Variants in ZNF407 observed in about 807,000 individuals in gnomAD.
ZNF407 encodes zinc finger protein 407.
A neutral mutation model predicts 131.2 loss-of-function variants in ZNF407; 17 were observed. The observed-to-expected ratio is 0.13, with a 90% confidence interval of 0.09 to 0.19. The LOEUF (loss-of-function observed/expected upper bound fraction) is 0.19, where lower values mean the gene tolerates loss of function less well. ZNF407 is among the 10% of genes least tolerant of loss of function. The pLI is 1.00. For synonymous variants in ZNF407, 1,156 were observed against 1,062.0 expected, an observed-to-expected ratio of 1.09 and a Z score of -1.72; for missense variants, 2,681 against 2,830.6, an observed-to-expected ratio of 0.95 and a Z score of 1.20.
chr18:74,837,646 C>A (rs932879274), intron 4 of ZNF407, among the ~76,000 whole-genome samples: 2 of 148,456 alleles, frequency 1.3e-5, no homozygotes, highest in Admixed American at 1.3e-4. Flanking sequence ...TTTAATTTTT[C>A]TTTTGTATGT....
chr18:74,937,368 G>A (rs572108431), intron 8 of ZNF407, among the ~76,000 whole-genome samples: 1 of 152,274 alleles, frequency 6.6e-6, no homozygotes, highest in East Asian at 1.9e-4. Context: ...TAATGGTATG[G>A]TAGAAAAAAT....
At chr18:74,953,822 T>C (rs1260031849) in intron 8 of ZNF407, among the ~76,000 whole-genome samples, 1 of 152,178 alleles carries the variant, frequency 6.6e-6, no homozygotes, top group Non-Finnish European at 1.5e-5. Flanking sequence ...GGAAATTTGT[T>C]TTTGATAGGC....
rs532718440 is a variant in ZNF407 at position 74,913,482 on chromosome 18, G to A, written c.5250-7032G>A. ...CCATGCTGTGCTGTTCCATGGAAAA[G>A]CGAGATGCCAGTGTGTGTGGTGCCC... On this transcript the variant is annotated intron_variant, in intron 7 of 8. Coordinates refer to ENST00000299687, the MANE Select transcript of ZNF407 (RefSeq NM_017757.3). Among the ~76,000 whole-genome samples the A allele has an allele frequency of 3.3e-5, 5 of 152,222 alleles. No individual in the cohort carries two copies. In the South Asian group the frequency reaches 1.0e-3, roughly 32 times the overall value.
At chr18:74,626,237 A>G (rs1434818972) in intron 1 of ZNF407, among the ~76,000 whole-genome samples, 2 of 152,184 alleles carry the variant, frequency 1.3e-5, no homozygotes, top group African/African-American at 4.8e-5. Flanking sequence ...GTGTGGGCCA[A>G]ACAGAATTCT....
chr18:74,749,458 CT>C (rs1163069968), intron 3 of ZNF407, among the ~76,000 whole-genome samples: 1 of 152,124 alleles, frequency 6.6e-6, no homozygotes, highest in African/African-American at 2.4e-5. Context: ...GCAATTATTA[CT>C]TAGACTTAGA....
At chr18:74,808,034 A>G (rs2043618614) in intron 4 of ZNF407, among the ~76,000 whole-genome samples, 1 of 151,206 alleles carries the variant, frequency 6.6e-6, no homozygotes, top group Non-Finnish European at 1.5e-5. Flanking sequence ...TTTTTTTGAG[A>G]CAGAGTTTCA....
chr18:74,610,632 C>G (rs1983015180), intron 1 of ZNF407, among the ~76,000 whole-genome samples: 1 of 152,142 alleles, frequency 6.6e-6, no homozygotes, highest in Admixed American at 6.5e-5. Flanking sequence ...TCACTGCAAC[C>G]TCCGCCTCCC....
chr18:74,843,474 C>T (rs1179442862), intron 4 of ZNF407, among the ~76,000 whole-genome samples: 1 of 152,158 alleles, frequency 6.6e-6, no homozygotes, highest in East Asian at 1.9e-4. Context: ...CACACTTCAT[C>T]TTTACTTTTT....
At chr18:74,690,295 A>G (rs1175062302) in intron 3 of ZNF407, among the ~76,000 whole-genome samples, 1 of 152,236 alleles carries the variant, frequency 6.6e-6, no homozygotes, top group African/African-American at 2.4e-5. Flanking sequence ...TAAAATTAAC[A>G]AAGTTAGAAA....
At chr18:74,604,079 A>G (rs1230494129) in intron 1 of ZNF407, among the ~76,000 whole-genome samples, 1 of 152,190 alleles carries the variant, frequency 6.6e-6, no homozygotes, top group Non-Finnish European at 1.5e-5. Context: ...AAATTTAGGC[A>G]TCATCATTAG....
chr18:74,769,627 A>G (rs568020576), intron 3 of ZNF407, among the ~76,000 whole-genome samples: 1 of 152,318 alleles, frequency 6.6e-6, no homozygotes, highest in Non-Finnish European at 1.5e-5. Context: ...TCAGACATTA[A>G]TGATCTCATT....
intron 3 of ZNF407, among the ~76,000 whole-genome samples, chr18:74,717,886 A>G (rs1017004998): frequency 1.3e-5 from 2 of 152,196 alleles, no homozygotes; most frequent in African/African-American, 4.8e-5. Context: ...AAAAAATTTC[A>G]GATTTTAGAG....
chr18:74,719,504 A>G (rs975264819), intron 3 of ZNF407, among the ~76,000 whole-genome samples: 1 of 152,148 alleles, frequency 6.6e-6, no homozygotes, highest in Non-Finnish European at 1.5e-5. Flanking sequence ...GGTTCACGCC[A>G]TTCTCCTGCC....
chr18:74,632,473 G>A lies in ZNF407; in HGVS notation c.1454G>A (p.Ser485Asn), dbSNP rs769430652. ...CTGAAACACCTGGAAGCGTGCAGCA[G>A]TGTGCAGAGAGTGTGTGTGACTACC... ...SVLKHLEACS[S>N]VQRVCVTTSE... Residue 485 changes from serine (S) to asparagine (N), a missense_variant, in exon 2 of 9, where the codon AGT becomes AAT. Transcript: ENST00000299687. The A allele has an allele frequency of 5.6e-6, 9 of 1,614,066 alleles. No homozygotes were observed. In the South Asian group the frequency reaches 6.6e-5, roughly 12 times the overall value.
chr18:74,909,665 A>T (rs1971642525), intron 7 of ZNF407, among the ~76,000 whole-genome samples: 1 of 152,140 alleles, frequency 6.6e-6, no homozygotes, highest in Admixed American at 6.6e-5. Flanking sequence ...TCACACTTGT[A>T]CTTACGGTTT....
At chr18:74,630,272 G>A (rs576234676) in intron 1 of ZNF407, among the ~76,000 whole-genome samples, 205 of 148,746 alleles carry the variant, frequency 1.4e-3, no homozygotes, top group South Asian at 4.2e-3. Flanking sequence ...CCGGGTTCAC[G>A]CCATTCTCCT....
At chr18:74,702,641 T>G (rs1224323538) in intron 3 of ZNF407, among the ~76,000 whole-genome samples, 5 of 152,134 alleles carry the variant, frequency 3.3e-5, no homozygotes, top group Non-Finnish European at 5.9e-5. Flanking sequence ...GTAAATGAGT[T>G]TTATATATTG....
intron 1 of ZNF407, among the ~76,000 whole-genome samples, chr18:74,623,551 A>G (rs560352406): frequency 8.8e-4 from 134 of 152,344 alleles, no homozygotes; most frequent in African/African-American, 3.1e-3. Context: ...AAATGGTTTC[A>G]TTTGACTGAA....
At chr18:74,965,038 T>C (rs2145296675) in intron 8 of ZNF407, among the ~76,000 whole-genome samples, 1 of 152,332 alleles carries the variant, frequency 6.6e-6, no homozygotes, top group South Asian at 2.1e-4. Flanking sequence ...TTTATTTTAA[T>C]TTTTGTGAGT....
Sources: gnomAD v4.1 joint callset for allele counts (sites outside exome capture counted in the v4.1 genomes callset) on GRCh38, gnomAD v4.1.1 for gene constraint, MANE v1.5 for transcripts, NCBI Gene and HGNC (gene_info 2026-07-23, HGNC 2026-07-21) for gene names.